Variants in ERI1 observed in about 807,000 individuals in gnomAD.
The protein encoded by ERI1 is 3'-5' exoribonuclease 1.
In ERI1, 39 loss-of-function variants were observed where a neutral mutation model predicts 39.7. The observed-to-expected ratio is 0.98, with a 90% CI of 0.76 to 1.28. The LOEUF is 1.28. Ranked by LOEUF, ERI1 falls within the 50% of genes most tolerant of loss-of-function variation. ERI1 has a pLI of 0.00. For synonymous variants in ERI1, 204 were observed against 149.6 expected, an observed-to-expected ratio of 1.36 and a Z score of -2.65; for missense variants, 581 against 416.9, an observed-to-expected ratio of 1.39 and a Z score of -3.43.
intron 3 of ERI1, among the ~76,000 whole-genome samples, chr8:9,073,151 C>CT (rs1799107434): frequency 1.3e-5 from 2 of 152,224 alleles, no homozygotes; most frequent in African/African-American, 4.8e-5. Flanking sequence ...CAGCCATAAA[C>CT]TTTATCACCT....
chr8:9,021,265 T>C (rs775396234), intron 6 of ERI1, among the ~76,000 whole-genome samples: 5 of 152,204 alleles, frequency 3.3e-5, no homozygotes, highest in Non-Finnish European at 7.3e-5. Flanking sequence ...TCAGGTAGTC[T>C]GTCAGGTTTT....
chr8:9,048,140 C>T (rs1222503734), intron 3 of ERI1, among the ~76,000 whole-genome samples: 1 of 152,232 alleles, frequency 6.6e-6, no homozygotes, highest in East Asian at 1.9e-4. Context: ...CAGTCTTTCT[C>T]TAAAGCAACT....
intron 3 of ERI1, among the ~76,000 whole-genome samples, chr8:9,013,307 G>A (rs1816870086): frequency 7.0e-6 from 1 of 141,856 alleles, no homozygotes; most frequent in Non-Finnish European, 1.5e-5. Flanking sequence ...GAGCCACCAT[G>A]CCCGGCCATT....
chr8:9,017,295 C>G (rs1817407975), intron 4 of ERI1, among the ~76,000 whole-genome samples: 1 of 151,936 alleles, frequency 6.6e-6, no homozygotes, highest in Non-Finnish European at 1.5e-5. Context: ...TCCTCGGTCC[C>G]AAAAAGTGTT....
At chr8:9,094,398 C>A in intron 3 of ERI1, among the ~76,000 whole-genome samples, 1 of 152,178 alleles carries the variant, frequency 6.6e-6, no homozygotes, top group Non-Finnish European at 1.5e-5. Context: ...CAATCCCTCT[C>A]TCTGCAATTG....
At position 9,098,734 on chromosome 8, in the gene ERI1, T is replaced by C. The variant is rs77518819; in HGVS notation, n.300-17614T>C. 4.0e-5 allele frequency among the ~76,000 whole-genome samples: 6 copies of C among 151,488 alleles called. No homozygotes were observed. The East Asian group carries it at 1.2e-3, about 29-fold the overall frequency. On this transcript the variant is annotated intron_variant and non_coding_transcript_variant, in intron 3 of 3. Transcript: ENST00000518663. ...AAAACCTATTGAAATAAAAAAAAAA[T>C]TTTTAATAAAGAAATAGAAAAAAAT...
At chr8:9,092,997 C>G (rs1210746517) in intron 3 of ERI1, among the ~76,000 whole-genome samples, 4 of 152,212 alleles carry the variant, frequency 2.6e-5, no homozygotes, top group Non-Finnish European at 5.9e-5. Context: ...TAATGGTTGC[C>G]TTCACGTTCA....
chr8:9,035,499 C>CTT (rs1797814892), downstream of ERI1, among the ~76,000 whole-genome samples: 1 of 152,118 alleles, frequency 6.6e-6, no homozygotes, highest in East Asian at 1.9e-4. Flanking sequence ...AATGACAGCA[C>CTT]ATCTGTTTAC....
At position 9,002,996 on chromosome 8, in the gene ERI1, C is replaced by A. The variant is rs1466792187; in HGVS notation, c.-68C>A. ...TTTCAACGGAGAAAGGCGAGGCTTTCGGGCTCTGCAGAGTGAGAGTTAGCA... is the reference window on the plus strand; with the variant it reads ...TTTCAACGGAGAAAGGCGAGGCTTTAGGGCTCTGCAGAGTGAGAGTTAGCA... On this transcript the variant is annotated 5_prime_UTR_variant, in exon 1 of 7. Coordinates refer to ENST00000250263, the MANE Select transcript of ERI1 (RefSeq NM_153332.4). 2 of 1,070,404 alleles carry A rather than the reference C, an allele frequency of 1.9e-6. No individual in the cohort carries two copies. The highest frequency in any genetic ancestry group is 1.6e-5 in the African/African-American group (1 of 61,264). The allele number at this position is 1,070,404 out of a possible 1,614,324, so 66.3% of individuals were successfully genotyped here.
intron 2 of ERI1, chr8:9,008,965 A>G: frequency 2.2e-6 from 1 of 455,180 alleles, no homozygotes; most frequent in Non-Finnish European, 4.4e-6. Flanking sequence ...TAATTTCTAG[A>G]TTGTCTACAT....
chr8:9,042,439 T>C (rs1798055487), intron 3 of ERI1, among the ~76,000 whole-genome samples: 1 of 152,304 alleles, frequency 6.6e-6, no homozygotes, highest in South Asian at 2.1e-4. Context: ...GCTTATTTCC[T>C]CAACTGCTAC....
intron 6 of ERI1, among the ~76,000 whole-genome samples, chr8:9,025,148 G>C (rs1010745956): frequency 1.3e-5 from 2 of 152,156 alleles, no homozygotes; most frequent in Non-Finnish European, 2.9e-5. Flanking sequence ...TCAGAGAAAG[G>C]ATCCCTTACC....
chr8:9,035,202 A>T (rs1001232968), downstream of ERI1, among the ~76,000 whole-genome samples: 3 of 152,250 alleles, frequency 2.0e-5, no homozygotes, highest in Non-Finnish European at 4.4e-5. Context: ...TAGCTAAGTT[A>T]TCTAGCTAAG....
chr8:9,066,247 C>G (rs1485030089), intron 3 of ERI1, among the ~76,000 whole-genome samples: 1 of 152,180 alleles, frequency 6.6e-6, no homozygotes, highest in East Asian at 1.9e-4. Context: ...TTCCCACTAG[C>G]AGGGGCATCT....
chr8:9,050,902 T>G (rs908492479), intron 3 of ERI1, among the ~76,000 whole-genome samples: 54 of 152,096 alleles, frequency 3.6e-4, no homozygotes, highest in Non-Finnish European at 1.9e-4. Context: ...GGCAGCACCT[T>G]TGGATGGAAA....
rs549483558 is a variant in ERI1, at chr8:9,044,106, T to G, written n.299+23642T>G. Among the ~76,000 whole-genome samples, 3 of 152,330 alleles carry G rather than the reference T, an allele frequency of 2.0e-5. No homozygotes were observed. The South Asian group carries it at 6.2e-4, about 32-fold the overall frequency. ...CTTACAAAACTCTTCATAGGGTTGT[T>G]GTCGGAGTTAAATAGGATATCATCT... On this transcript the variant is annotated intron_variant and non_coding_transcript_variant, in intron 3 of 3. Coordinates refer to the ERI1 transcript ENST00000518663.
At chr8:9,092,876 G>A (rs1799751726) in intron 3 of ERI1, among the ~76,000 whole-genome samples, 1 of 152,214 alleles carries the variant, frequency 6.6e-6, no homozygotes, top group Admixed American at 6.5e-5. Context: ...GGTTTCGGCA[G>A]GGTTGGTTCC....
chr8:9,014,246 C>G (rs1426598965), intron 3 of ERI1, among the ~76,000 whole-genome samples: 2 of 152,196 alleles, frequency 1.3e-5, no homozygotes, highest in African/African-American at 4.8e-5. Context: ...CTTGCCAGGA[C>G]TTTAGCTCCA....
chr8:9,099,271 T>C (rs1345262291), intron 3 of ERI1, among the ~76,000 whole-genome samples: 1 of 151,794 alleles, frequency 6.6e-6, no homozygotes, highest in African/African-American at 2.4e-5. Flanking sequence ...ACTCCAATGC[T>C]ACTGATTAGT....
Sources: allele counts gnomAD v4.1 joint callset (sites outside exome capture counted in the v4.1 genomes callset), GRCh38; gene constraint gnomAD v4.1.1; transcripts MANE v1.5; gene names NCBI Gene and HGNC (gene_info 2026-07-23, HGNC 2026-07-21).